The following ELOVL7 variants were observed in gnomAD, a reference collection of about 807,000 sequenced individuals.
ELOVL7 encodes ELOVL fatty acid elongase 7.
Under a neutral mutation model 35.7 loss-of-function variants are expected in ELOVL7, and 27 were observed. The ratio of observed to expected loss-of-function variants is 0.76; its 90% CI spans 0.56 to 1.04. The LOEUF (loss-of-function observed/expected upper bound fraction) is 1.04. ELOVL7 is among the 50% of genes least tolerant of loss of function. The probability of loss-of-function intolerance (pLI) is 0.00; values close to 1 mark genes in which losing one functional copy is unlikely to be tolerated. For missense variants in ELOVL7, 327 were observed against 340.8 expected (o/e 0.96, Z 0.32); for synonymous variants, 113 against 114.6 (o/e 0.99, Z 0.09).
chr5:60,842,292 G>A (rs981400048), intron 1 of ELOVL7, among the ~76,000 whole-genome samples: 2 of 152,070 alleles, frequency 1.3e-5, no homozygotes, highest in Admixed American at 1.3e-4. Flanking sequence ...GCACCTTGGA[G>A]ACCAGGATAA....
chr5:60,765,612 G>C (rs1460376345), intron 6 of ELOVL7, among the ~76,000 whole-genome samples: 1 of 152,104 alleles, frequency 6.6e-6, no homozygotes, highest in Non-Finnish European at 1.5e-5. Context: ...TGCAAATTTT[G>C]AGCCCCATCC....
intron 1 of ELOVL7, 61 bp from the exon 2 acceptor site, chr5:60,799,291 G>C (rs1312755988): frequency 1.3e-5 from 2 of 151,330 alleles, no homozygotes; most frequent in East Asian, 3.9e-4. Context: ...CAAGAAACTA[G>C]AAAAAGAAAA....
At position 60,754,574 on chromosome 5, in the gene ELOVL7, T is replaced by C. The variant is rs750010358; in HGVS notation, c.*50A>G. ...CACTGCATAGGTAAATATCTCTTGA[T>C]TGTCAAGGAAGACAATGTATCAGTT... is the stretch of plus-strand genomic sequence containing the variant. On this transcript the variant is annotated 3_prime_UTR_variant, in exon 9 of 9. Coordinates refer to ENST00000508821, the MANE Select transcript of ELOVL7 (RefSeq NM_024930.3). The C allele has an allele frequency of 2.0e-6, 3 of 1,518,634 alleles. No individual in the cohort carries two copies. Among genetic ancestry groups the C allele is most frequent in the East Asian group, 2.3e-5 (1 of 44,388 alleles). 94.1% of individuals were successfully genotyped at this position (1,518,634 alleles called of 1,614,324 possible). A position where few individuals can be genotyped will look rare whatever the true frequency, so the allele number is the denominator to read the frequency against.
intron 1 of ELOVL7, among the ~76,000 whole-genome samples, chr5:60,819,006 AAGAAG>A (rs1204304557): frequency 2.6e-4 from 30 of 113,598 alleles, no homozygotes; most frequent in African/African-American, 8.0e-4. Flanking sequence ...GAGAAAGAAA[AAGAAG>A]AGAAGAGGAG....
At chr5:60,771,791 G>T in intron 4 of ELOVL7, 112 bp downstream of exon 4, 1 of 788,080 alleles carries the variant, frequency 1.3e-6, no homozygotes, top group Non-Finnish European at 2.0e-6. Context: ...AGTGAGATCA[G>T]TTTCTTAATT....
chr5:60,764,916 T>C (rs951038374), intron 6 of ELOVL7, among the ~76,000 whole-genome samples: 1 of 151,448 alleles, frequency 6.6e-6, no homozygotes, highest in Non-Finnish European at 1.5e-5. Context: ...ACACTCAGAG[T>C]GAACGTTATC....
intron 7 of ELOVL7, among the ~76,000 whole-genome samples, chr5:60,758,906 C>A (rs959966602): frequency 2.2e-4 from 34 of 152,058 alleles, no homozygotes; most frequent in African/African-American, 8.2e-4. Context: ...ATAAAGCAAA[C>A]CCTCATCAAT....
At chr5:60,795,469 T>C (rs1744195343) in intron 2 of ELOVL7, among the ~76,000 whole-genome samples, 1 of 152,160 alleles carries the variant, frequency 6.6e-6, no homozygotes, top group South Asian at 2.1e-4. Context: ...GATTGGGATA[T>C]AAACCCCAGG....
chr5:60,792,967 A>G (rs10057395), intron 2 of ELOVL7, among the ~76,000 whole-genome samples: 90,195 of 151,978 alleles, frequency 0.59, 27,380 homozygotes, highest in East Asian at 0.89. Context: ...TGGCTGGCCT[A>G]AGTTTAGTGG....
intron 1 of ELOVL7, among the ~76,000 whole-genome samples, chr5:60,812,167 C>A (rs1745273703): frequency 6.6e-6 from 1 of 152,112 alleles, no homozygotes; most frequent in Admixed American, 6.5e-5. Flanking sequence ...TTACAGTGAG[C>A]AATGATTGTG....
At chr5:60,810,943 T>G (rs920032271) in intron 1 of ELOVL7, among the ~76,000 whole-genome samples, 1 of 152,204 alleles carries the variant, frequency 6.6e-6, no homozygotes, top group Non-Finnish European at 1.5e-5. Flanking sequence ...AGGCCCAATT[T>G]TCTCAGTTTC....
chr5:60,825,194 T>C (rs1746098953), intron 1 of ELOVL7, among the ~76,000 whole-genome samples: 1 of 152,102 alleles, frequency 6.6e-6, no homozygotes, highest in Non-Finnish European at 1.5e-5. Flanking sequence ...GCCTCACTTC[T>C]CATACTTAGC....
intron 3 of ELOVL7, among the ~76,000 whole-genome samples, chr5:60,784,889 C>T (rs1743479157): frequency 6.6e-6 from 1 of 152,148 alleles, no homozygotes; most frequent in Non-Finnish European, 1.5e-5. Context: ...TAAGTATATG[C>T]TATATGAAGA....
chr5:60,753,983 G>GTACAACAAA lies in ELOVL7; in HGVS notation c.*632_*640dup, dbSNP rs1266320177. 6.6e-6 allele frequency: 1 copy of GTACAACAAA among 152,322 alleles called. No individual in the cohort carries two copies. Among genetic ancestry groups the GTACAACAAA allele is most frequent in the Non-Finnish European group, 1.5e-5 (1 of 68,104 alleles). 9.4% of individuals were successfully genotyped at this position (152,322 alleles called of 1,614,324 possible). On this transcript the variant is annotated 3_prime_UTR_variant, in exon 9 of 9. Coordinates refer to ENST00000508821, the MANE Select transcript of ELOVL7 (RefSeq NM_024930.3). ...AAGGATTGCTACTTTGAAACAGTTT[G>GTACAACAAA]TACAACAAATGGGTTGTGAGGAAGT... is the stretch of plus-strand genomic sequence containing the variant.
At chr5:60,814,034 C>CA (rs1274049556) in intron 1 of ELOVL7, among the ~76,000 whole-genome samples, 1 of 152,130 alleles carries the variant, frequency 6.6e-6, no homozygotes, top group African/African-American at 2.4e-5. Context: ...CCAAGAGATT[C>CA]AAAAGCAAGG....
At chr5:60,801,655 A>T (rs532916467) in intron 1 of ELOVL7, among the ~76,000 whole-genome samples, 2 of 152,136 alleles carry the variant, frequency 1.3e-5, no homozygotes, top group Admixed American at 1.3e-4. Context: ...GTGAGTCATG[A>T]TCGTGTCACT....
At chr5:60,809,057 T>C (rs1745106383) in intron 1 of ELOVL7, among the ~76,000 whole-genome samples, 2 of 152,116 alleles carry the variant, frequency 1.3e-5, no homozygotes, top group Admixed American at 6.6e-5. Flanking sequence ...AAAAATAATA[T>C]TAAGAGACTG....
At position 60,752,721 on chromosome 5, in the gene ELOVL7, G is replaced by A. The variant is rs941380851; in HGVS notation, c.*1903C>T. 8 of 152,274 alleles carry A rather than the reference G, an allele frequency of 5.3e-5. No individual in the cohort carries two copies. Among genetic ancestry groups the A allele is most frequent in the Non-Finnish European group, 8.8e-5 (6 of 68,030 alleles). The allele number at this position is 152,274 out of a possible 1,614,324, so 9.4% of individuals were successfully genotyped here. ...TAATCCCAGAACTTTGGGAGGCCGA[G>A]GTGGGAGGATCACCTGAGGTCAGGA... On this transcript the variant is annotated 3_prime_UTR_variant, in exon 9 of 9. Transcript: ENST00000508821.
In ELOVL7 at chr5:60,753,419, T is replaced by C. The variant is rs1741367192; in HGVS notation, c.*1205A>G. The C allele has an allele frequency of 6.6e-6, 1 of 152,236 alleles. No homozygotes were observed. Among genetic ancestry groups the C allele is most frequent in the African/African-American group, 2.4e-5 (1 of 41,474 alleles). 9.4% of individuals were successfully genotyped at this position (152,236 alleles called of 1,614,324 possible). The stretch of plus-strand genomic sequence containing the variant: ...GTCTGGAAACAGAAATCCAGGTTGT[T>C]AATTAATTCATAATTCCAGAAAATG... On this transcript the variant is annotated 3_prime_UTR_variant, in exon 9 of 9. Coordinates refer to ENST00000508821, the MANE Select transcript of ELOVL7 (RefSeq NM_024930.3).
Sources: gnomAD v4.1 joint callset for allele counts (sites outside exome capture counted in the v4.1 genomes callset) on GRCh38, gnomAD v4.1.1 for gene constraint, MANE v1.5 for transcripts, NCBI Gene and HGNC (gene_info 2026-07-23, HGNC 2026-07-21) for gene names.